The following GRID1 variants were observed in gnomAD, a reference collection of about 807,000 sequenced individuals.
The protein encoded by GRID1 is glutamate receptor ionotropic, delta-1.
Under a neutral mutation model 98.0 loss-of-function variants are expected in GRID1, and 28 were observed. That is an observed-to-expected ratio of 0.29 (90% CI 0.21 to 0.39). The LOEUF (loss-of-function observed/expected upper bound fraction) is 0.39. Ranked by LOEUF, GRID1 falls within the 10% of genes least tolerant of loss-of-function variation. The probability of loss-of-function intolerance (pLI) is 1.00; values close to 1 mark genes in which losing one functional copy is unlikely to be tolerated. For missense variants in GRID1, 1,111 were observed against 1,340.5 expected (o/e 0.83, Z 2.67); for synonymous variants, 553 against 538.5 (o/e 1.03, Z -0.37).
At chr10:86,037,872 C>G (rs1475059607) in intron 4 of GRID1, among the ~76,000 whole-genome samples, 1 of 151,798 alleles carries the variant, frequency 6.6e-6, no homozygotes, top group South Asian at 2.1e-4. Flanking sequence ...CTGAATGTGT[C>G]CCCCCAAAAT....
At chr10:85,677,856 C>T (rs572242977) in intron 12 of GRID1, among the ~76,000 whole-genome samples, 3 of 152,228 alleles carry the variant, frequency 2.0e-5, no homozygotes, top group African/African-American at 4.8e-5. Context: ...GAGAGACACG[C>T]TCCATTTTGT....
chr10:86,320,866 G>A (rs1322762542), intron 2 of GRID1, among the ~76,000 whole-genome samples: 1 of 152,074 alleles, frequency 6.6e-6, no homozygotes, highest in East Asian at 1.9e-4. Context: ...TTGGGAGGCT[G>A]AGGTGGGTGG....
intron 8 of GRID1, among the ~76,000 whole-genome samples, chr10:85,738,024 G>A (rs73328661): frequency 0.025 from 3,777 of 151,958 alleles, 149 homozygotes; most frequent in African/African-American, 0.086. Flanking sequence ...CAGGATCCCC[G>A]GGCCCTAGAC....
chr10:86,002,525 C>A (rs1241622885), intron 4 of GRID1, among the ~76,000 whole-genome samples: 1 of 116 alleles, frequency 8.6e-3, no homozygotes, highest in African/African-American at 0.033. Flanking sequence ...CAGCAAAATG[C>A]CTTGTTTAAC....
chr10:85,930,299 AAAT>A (rs1183070260), intron 4 of GRID1, among the ~76,000 whole-genome samples: 6 of 142,888 alleles, frequency 4.2e-5, no homozygotes, highest in Non-Finnish European at 6.4e-5. Context: ...TTATAACTAC[AAAT>A]AACTTGCGGT....
intron 8 of GRID1, among the ~76,000 whole-genome samples, chr10:85,759,689 C>T (rs1262445330): frequency 6.6e-6 from 1 of 152,172 alleles, no homozygotes; most frequent in Non-Finnish European, 1.5e-5. Context: ...TTCTTTAAAG[C>T]ATGAATACTG....
At chr10:85,613,699 C>G in intron 14 of GRID1, 52 bp from the exon 15 acceptor site, 1 of 1,575,796 alleles carries the variant, frequency 6.3e-7, no homozygotes, top group South Asian at 1.2e-5. Flanking sequence ...TCAACTCAGC[C>G]ACCGGGGCCC....
chr10:86,201,601 T>C (rs575152404), intron 3 of GRID1, among the ~76,000 whole-genome samples: 38 of 152,002 alleles, frequency 2.5e-4, no homozygotes, highest in African/African-American at 8.9e-4. Context: ...GCTTACTGTC[T>C]TGGTGATGAA....
At chr10:85,654,750 C>CATCA (rs1840874708) in intron 12 of GRID1, among the ~76,000 whole-genome samples, 1 of 152,216 alleles carries the variant, frequency 6.6e-6, no homozygotes, top group Non-Finnish European at 1.5e-5. Context: ...ACTCAGGGCC[C>CATCA]ATCAGTACTG....
intron 4 of GRID1, among the ~76,000 whole-genome samples, chr10:85,976,405 G>C (rs4315005): frequency 4.6e-5 from 7 of 152,218 alleles, no homozygotes; most frequent in African/African-American, 1.7e-4. Context: ...GATGCCTCCA[G>C]ACTGAGTGAA....
intron 8 of GRID1, among the ~76,000 whole-genome samples, chr10:85,818,990 G>A (rs771016571): frequency 2.0e-5 from 3 of 152,036 alleles, no homozygotes; most frequent in Admixed American, 6.5e-5. Flanking sequence ...CAAAGTGCTG[G>A]GATTACAGGA....
At chr10:85,610,513 A>G (rs1018595946) in intron 15 of GRID1, among the ~76,000 whole-genome samples, 1 of 152,182 alleles carries the variant, frequency 6.6e-6, no homozygotes, top group Non-Finnish European at 1.5e-5. Flanking sequence ...GTTTGTATCA[A>G]TGCTTCAAAG....
intron 4 of GRID1, among the ~76,000 whole-genome samples, chr10:85,924,115 G>T (rs1454849473): frequency 6.6e-6 from 1 of 152,204 alleles, no homozygotes; most frequent in Non-Finnish European, 1.5e-5. Context: ...CAGAATGAAT[G>T]AATGGGTGAT....
At chr10:85,832,495 T>C (rs1342664294) in intron 8 of GRID1, among the ~76,000 whole-genome samples, 3 of 152,158 alleles carry the variant, frequency 2.0e-5, no homozygotes, top group Non-Finnish European at 2.9e-5. Flanking sequence ...ATTTGAGCAA[T>C]GAAAAATGGC....
intron 12 of GRID1, among the ~76,000 whole-genome samples, chr10:85,649,197 C>T (rs148520849): frequency 2.0e-5 from 3 of 152,184 alleles, no homozygotes; most frequent in African/African-American, 7.2e-5. Flanking sequence ...ACGCTGACAG[C>T]AGCCTCCCCG....
At chr10:86,075,471 C>G (rs1346666947) in intron 4 of GRID1, among the ~76,000 whole-genome samples, 1 of 152,072 alleles carries the variant, frequency 6.6e-6, no homozygotes, top group African/African-American at 2.4e-5. Context: ...ATCCCCCTCA[C>G]AGCCCTCAGA....
At chr10:86,085,026 T>A (rs145596087) in intron 4 of GRID1, among the ~76,000 whole-genome samples, 7 of 152,352 alleles carry the variant, frequency 4.6e-5, no homozygotes, top group Non-Finnish European at 8.8e-5. Flanking sequence ...TCTTATGTTA[T>A]GTATTTTACC....
intron 8 of GRID1, among the ~76,000 whole-genome samples, chr10:85,760,863 C>T (rs1842140958): frequency 6.6e-6 from 1 of 152,124 alleles, no homozygotes; most frequent in African/African-American, 2.4e-5. Context: ...TCAGCAGGGC[C>T]ATCAAACTTT....
At chr10:86,241,561 A>G (rs1846636283) in intron 2 of GRID1, among the ~76,000 whole-genome samples, 1 of 152,256 alleles carries the variant, frequency 6.6e-6, no homozygotes, top group South Asian at 2.1e-4. Context: ...CTATCTGGTC[A>G]CCAGGGAGTT....
Sources: allele counts gnomAD v4.1 joint callset (sites outside exome capture counted in the v4.1 genomes callset), GRCh38; gene constraint gnomAD v4.1.1; transcripts MANE v1.5; gene names NCBI Gene and HGNC (gene_info 2026-07-23, HGNC 2026-07-21).